Variants in SH3GL2 observed in about 807,000 individuals in gnomAD.
SH3GL2 encodes the protein endophilin-A1.
In SH3GL2, 24 loss-of-function variants were observed where a neutral mutation model predicts 46.0. The observed-to-expected ratio is 0.52, with a 90% CI of 0.38 to 0.73. The LOEUF (loss-of-function observed/expected upper bound fraction) is 0.73. Among genes scored for constraint, SH3GL2 ranks in the 30% least tolerant of loss-of-function variants. SH3GL2 has a pLI of 0.00. For missense variants in SH3GL2, 413 were observed against 424.2 expected, an observed-to-expected ratio of 0.97 and a Z score of 0.23; for synonymous variants, 196 against 147.1, an observed-to-expected ratio of 1.33 and a Z score of -2.40.
intron 1 of SH3GL2, among the ~76,000 whole-genome samples, chr9:17,583,287 T>C (rs1290863505): frequency 6.6e-6 from 1 of 152,214 alleles, no homozygotes; most frequent in Non-Finnish European, 1.5e-5. Flanking sequence ...CCCTCTAAAA[T>C]ACGTATGTTG....
chr9:17,591,365 G>T (rs1025874112), intron 1 of SH3GL2: 1 of 151,916 alleles, frequency 6.6e-6, no homozygotes, highest in African/African-American at 2.4e-5. Context: ...CCCAAAAAAG[G>T]TCAACAGGTC....
intron 1 of SH3GL2, among the ~76,000 whole-genome samples, chr9:17,672,122 G>A (rs1485249369): frequency 4.6e-5 from 7 of 152,128 alleles, no homozygotes; most frequent in Admixed American, 4.6e-4. Flanking sequence ...TGCAGTGTGA[G>A]GTAAATACAA....
chr9:17,792,909 A>T lies in SH3GL2; in HGVS notation c.729-458A>T, dbSNP rs558069238. Among the ~76,000 whole-genome samples, 7 of 152,292 alleles carry T rather than the reference A, an allele frequency of 4.6e-5. No homozygotes were observed. The South Asian group carries it at 1.5e-3, about 32-fold the overall frequency. On this transcript the variant is annotated intron_variant, in intron 7 of 8. Transcript: ENST00000380607. ...CATAATCTGTTTGTGTCTTTTTTAA[A>T]ATTGAAAAAATTGTGGGTACATAGG...
chr9:17,669,843 A>G (rs1259481769), intron 1 of SH3GL2, among the ~76,000 whole-genome samples: 1 of 152,152 alleles, frequency 6.6e-6, no homozygotes, highest in Non-Finnish European at 1.5e-5. Context: ...AGCCAAGGAA[A>G]TCAAGGACAT....
chr9:17,787,316 C>T, intron 4 of SH3GL2, 64 bp from the exon 5 acceptor site: 2 of 1,362,660 alleles, frequency 1.5e-6, no homozygotes, highest in Non-Finnish European at 2.1e-6. Flanking sequence ...CTGTGAAGGG[C>T]CCTGTTATTG....
chr9:17,690,252 G>T (rs1821041051), intron 1 of SH3GL2, among the ~76,000 whole-genome samples: 1 of 152,122 alleles, frequency 6.6e-6, no homozygotes, highest in African/African-American at 2.4e-5. Context: ...ATGTGTTTCT[G>T]CTTTGGACCT....
At chr9:17,608,702 T>G (rs954977527) in intron 1 of SH3GL2, among the ~76,000 whole-genome samples, 8 of 152,194 alleles carry the variant, frequency 5.3e-5, no homozygotes, top group African/African-American at 1.4e-4. Flanking sequence ...TCTCCTTACA[T>G]AAGTGTTTCC....
intron 1 of SH3GL2, among the ~76,000 whole-genome samples, chr9:17,700,562 T>C (rs74305189): frequency 0.081 from 12,369 of 152,238 alleles, 666 homozygotes; most frequent in Admixed American, 0.14. Context: ...CCAGTTATTT[T>C]CTTATCTTTT....
rs1238241726 is a variant in SH3GL2, at chr9:17,579,109, G to C, written c.-134G>C. Reference sequence around the variant, plus strand: ...AAGAGCCCGTGTCCCGCTAGGCTCCGCGCCCTCGCGCCCATAGCCCCGGCG... The same window carrying C: ...AAGAGCCCGTGTCCCGCTAGGCTCCCCGCCCTCGCGCCCATAGCCCCGGCG... On this transcript the variant is annotated 5_prime_UTR_variant, in exon 1 of 9. Coordinates refer to ENST00000380607, the MANE Select transcript of SH3GL2 (RefSeq NM_003026.5). The C allele has an allele frequency of 1.9e-6, 1 of 528,724 alleles. No homozygotes were observed. The highest frequency in any genetic ancestry group is 3.2e-6 in the Non-Finnish European group (1 of 315,352). 32.8% of individuals were successfully genotyped at this position (528,724 alleles called of 1,614,324 possible).
Position 17,750,998 on chromosome 9 carries a change from A to G in SH3GL2, c.114+3864A>G, listed in dbSNP as rs141883161. Among the ~76,000 whole-genome samples the G allele has an allele frequency of 8.2e-4, 125 of 152,312 alleles. 1 individual carries two copies. The highest frequency in any genetic ancestry group is 2.7e-3 in the African/African-American group (111 of 41,572). ...CTAGAAGAGAGAGGGCGTCTGAGCT[A>G]AATCCTGAACATGTCTCTTGTCCCT... On this transcript the variant is annotated intron_variant, in intron 2 of 8. Transcript: ENST00000380607.
At chr9:17,718,130 T>C (rs1277899608) in intron 1 of SH3GL2, among the ~76,000 whole-genome samples, 1 of 152,118 alleles carries the variant, frequency 6.6e-6, no homozygotes, top group Admixed American at 6.6e-5. Context: ...ACTTTACAAC[T>C]CCAGATGGCA....
intron 1 of SH3GL2, among the ~76,000 whole-genome samples, chr9:17,615,444 C>T (rs1226751132): frequency 2.6e-5 from 4 of 151,922 alleles, no homozygotes; most frequent in East Asian, 1.9e-4. Flanking sequence ...ATCACGAGGC[C>T]GGGAGATTGA....
intron 3 of SH3GL2, among the ~76,000 whole-genome samples, chr9:17,775,140 T>G (rs778740207): frequency 2.3e-4 from 31 of 137,452 alleles, no homozygotes; most frequent in Non-Finnish European, 4.5e-4. Flanking sequence ...CACTTTTTAT[T>G]TCTGATTTTA....
chr9:17,611,627 A>G (rs1487360156), intron 1 of SH3GL2, among the ~76,000 whole-genome samples: 2 of 152,334 alleles, frequency 1.3e-5, no homozygotes, highest in Non-Finnish European at 2.9e-5. Flanking sequence ...TACTGTTTTC[A>G]TGAGAAGCCA....
At chr9:17,775,000 T>G (rs894920833) in intron 3 of SH3GL2, among the ~76,000 whole-genome samples, 1 of 152,172 alleles carries the variant, frequency 6.6e-6, no homozygotes, top group African/African-American at 2.4e-5. Flanking sequence ...TCTTTGTGAG[T>G]TAGTCTTGGT....
intron 1 of SH3GL2, among the ~76,000 whole-genome samples, chr9:17,636,429 G>A (rs10963171): frequency 0.027 from 4,121 of 152,138 alleles, 73 homozygotes; most frequent in Middle Eastern, 0.058. Flanking sequence ...GTTTGTGTAC[G>A]GAAACCTTAT....
chr9:17,745,632 C>T (rs1342198454), intron 1 of SH3GL2, among the ~76,000 whole-genome samples: 5 of 151,844 alleles, frequency 3.3e-5, no homozygotes, highest in Middle Eastern at 3.2e-3. Context: ...AGTGTTTTCC[C>T]GATGGCAGGA....
chr9:17,744,440 A>G (rs1309007924), intron 1 of SH3GL2, among the ~76,000 whole-genome samples: 1 of 151,356 alleles, frequency 6.6e-6, no homozygotes, highest in Non-Finnish European at 1.5e-5. Context: ...ATCACGGCTC[A>G]CTGTGGCCTC....
intron 1 of SH3GL2, among the ~76,000 whole-genome samples, chr9:17,711,626 T>G (rs750001749): frequency 3.9e-5 from 6 of 152,052 alleles, no homozygotes; most frequent in East Asian, 3.9e-4. Context: ...AGACTCCATG[T>G]TTTTGTGTAT....
Sources: allele counts gnomAD v4.1 joint callset (sites outside exome capture counted in the v4.1 genomes callset), GRCh38; gene constraint gnomAD v4.1.1; transcripts MANE v1.5; gene names NCBI Gene and HGNC (gene_info 2026-07-23, HGNC 2026-07-21).